Variants in FAM168A observed in about 807,000 individuals in gnomAD.
FAM168A encodes protein FAM168A.
FAM168A carries 3 observed loss-of-function variants against 28.5 expected under a neutral mutation model. That is an observed-to-expected ratio of 0.11 (90% CI 0.05 to 0.27). The LOEUF is 0.27. Ranked by LOEUF, FAM168A falls within the 10% of genes least tolerant of loss-of-function variation. FAM168A has a pLI of 1.00. For synonymous variants in FAM168A, 122 were observed against 124.2 expected (o/e 0.98, Z 0.12); for missense variants, 222 against 311.5 (o/e 0.71, Z 2.16).
chr11:73,425,153 C>T (rs1249052232), intron 3 of FAM168A: 2 of 720,838 alleles, frequency 2.8e-6, no homozygotes, highest in African/African-American at 1.8e-5. Context: ...CAGTTTCCCC[C>T]CAGCTTCACA....
rs1855031743 is a variant in FAM168A at position 73,502,679 on chromosome 11, G to A, written c.-18-34187C>T. On this transcript the variant is annotated intron_variant, in intron 1 of 7. Coordinates refer to ENST00000356467, the MANE Select transcript of FAM168A (RefSeq NM_015159.3). ...CATCATCATCCTGATACCAAAACTG[G>A]GAAGAGACACAACAAAAAAAAGAAA... Among the ~76,000 whole-genome samples, 3 of 152,136 alleles carry A rather than the reference G, an allele frequency of 2.0e-5. No individual in the cohort carries two copies. In the South Asian group the frequency reaches 6.2e-4, roughly 32 times the overall value.
At chr11:73,562,342 A>G (rs906966605) in intron 1 of FAM168A, among the ~76,000 whole-genome samples, 3 of 152,222 alleles carry the variant, frequency 2.0e-5, no homozygotes, top group Admixed American at 6.5e-5. Flanking sequence ...TTTGGGGATT[A>G]TATAATATAT....
At chr11:73,492,265 T>G (rs767072582) in intron 1 of FAM168A, among the ~76,000 whole-genome samples, 3 of 152,196 alleles carry the variant, frequency 2.0e-5, no homozygotes, top group Non-Finnish European at 4.4e-5. Flanking sequence ...CCACACATTA[T>G]AAATTAATCA....
chr11:73,549,011 G>C (rs185163404), intron 1 of FAM168A, among the ~76,000 whole-genome samples: 3 of 151,982 alleles, frequency 2.0e-5, no homozygotes, highest in Non-Finnish European at 4.4e-5. Flanking sequence ...GCACAATCCC[G>C]GCTCACTGCA....
At chr11:73,419,231 G>C (rs1038767079) in intron 4 of FAM168A, among the ~76,000 whole-genome samples, 3 of 152,178 alleles carry the variant, frequency 2.0e-5, no homozygotes, top group Non-Finnish European at 4.4e-5. Context: ...AATATGACCA[G>C]TCTGACTGGC....
At chr11:73,430,554 C>A in intron 3 of FAM168A, 136 bp downstream of exon 3, 1 of 775,356 alleles carries the variant, frequency 1.3e-6, no homozygotes, top group Admixed American at 1.9e-5. Flanking sequence ...AGAAGGGACT[C>A]CCAGGAAAAT....
intron 1 of FAM168A, among the ~76,000 whole-genome samples, chr11:73,489,806 G>A (rs1026386203): frequency 3.3e-5 from 5 of 152,116 alleles, no homozygotes; most frequent in African/African-American, 4.8e-5. Flanking sequence ...CATGGTATCC[G>A]GCATCTCCCC....
At position 73,482,181 on chromosome 11, in the gene FAM168A, C is replaced by CTTT. The variant is rs55882143; in HGVS notation, c.-18-13692_-18-13690dup. On this transcript the variant is annotated intron_variant, in intron 1 of 7. Transcript: ENST00000356467. ...ATACACAAAGACAACATCCAACAGC[C>CTTT]TTTTTTTTTTTTTTTTTTTTTTTTT... Among the ~76,000 whole-genome samples the CTTT allele has an allele frequency of 2.1e-3, 162 of 77,514 alleles. 5 individuals carry two copies. Among genetic ancestry groups the CTTT allele is most frequent in the Admixed American group, 2.9e-3 (14 of 4,864 alleles). 50.9% of individuals were successfully genotyped at this position (77,514 alleles called of 152,430 possible).
chr11:73,514,186 C>T (rs1392636089), intron 1 of FAM168A, among the ~76,000 whole-genome samples: 2 of 151,974 alleles, frequency 1.3e-5, no homozygotes, highest in African/African-American at 2.4e-5. Context: ...AGGTAGTGAG[C>T]AGGCCACTGT....
intron 2 of FAM168A, among the ~76,000 whole-genome samples, chr11:73,434,712 C>T (rs925927575): frequency 2.0e-5 from 3 of 152,128 alleles, no homozygotes; most frequent in African/African-American, 7.2e-5. Flanking sequence ...AATGAGAAGA[C>T]CTCATAGGGT....
At position 73,401,516 on chromosome 11, in the gene FAM168A, G is replaced by C. The variant is rs1031553766; in HGVS notation, c.*5247C>G. On this transcript the variant is annotated 3_prime_UTR_variant, in exon 8 of 8. Transcript: ENST00000356467. ...GAAAGGCTGGGGTCTGGAGATGCTGGTCTTGCTGGGGTCAGGCCCAAAGCT... is the reference window on the plus strand; with the variant it reads ...GAAAGGCTGGGGTCTGGAGATGCTGCTCTTGCTGGGGTCAGGCCCAAAGCT... The C allele has an allele frequency of 1.3e-5, 2 of 152,190 alleles. No homozygotes were observed. The highest frequency in any genetic ancestry group is 2.9e-5 in the Non-Finnish European group (2 of 68,130). 9.4% of individuals were successfully genotyped at this position (152,190 alleles called of 1,614,324 possible). A position where few individuals can be genotyped will look rare whatever the true frequency, so the allele number is the denominator to read the frequency against.
intron 1 of FAM168A, among the ~76,000 whole-genome samples, chr11:73,525,712 C>G (rs1008618173): frequency 1.3e-5 from 2 of 152,212 alleles, no homozygotes; most frequent in African/African-American, 4.8e-5. Context: ...AAGTTTTCTG[C>G]TTTCTGCAAC....
chr11:73,445,646 A>G (rs1032586827), intron 2 of FAM168A, among the ~76,000 whole-genome samples: 2 of 151,806 alleles, frequency 1.3e-5, no homozygotes, highest in Admixed American at 1.3e-4. Context: ...GAGGTCCTAA[A>G]GGAAGTAGGT....
chr11:73,510,377 G>A (rs1205469942), intron 1 of FAM168A, among the ~76,000 whole-genome samples: 1 of 152,210 alleles, frequency 6.6e-6, no homozygotes, highest in East Asian at 1.9e-4. Flanking sequence ...TTAGGAGGTA[G>A]TAGAGCCTCG....
chr11:73,510,317 G>A (rs905957585), intron 1 of FAM168A, among the ~76,000 whole-genome samples: 1 of 152,124 alleles, frequency 6.6e-6, no homozygotes, highest in African/African-American at 2.4e-5. Flanking sequence ...TAAGAGATAA[G>A]GCGTAATCTC....
intron 1 of FAM168A, among the ~76,000 whole-genome samples, chr11:73,597,046 C>A (rs72973625): frequency 0.011 from 1,721 of 152,184 alleles, 17 homozygotes; most frequent in Non-Finnish European, 0.018. Flanking sequence ...AGCCACCATG[C>A]CCTTTCCAGT....
chr11:73,448,249 T>C (rs932300294), intron 2 of FAM168A, among the ~76,000 whole-genome samples: 10 of 152,112 alleles, frequency 6.6e-5, no homozygotes, highest in Non-Finnish European at 1.2e-4. Flanking sequence ...GGTTTCACCA[T>C]GTTGGCCAGG....
At chr11:73,459,015 G>A (rs530499716) in intron 2 of FAM168A, among the ~76,000 whole-genome samples, 1 of 152,282 alleles carries the variant, frequency 6.6e-6, no homozygotes, top group Non-Finnish European at 1.5e-5. Flanking sequence ...ATTATTATAT[G>A]CGGTTTTGTG....
intron 1 of FAM168A, among the ~76,000 whole-genome samples, chr11:73,581,252 T>C (rs1253455354): frequency 1.3e-5 from 2 of 152,254 alleles, no homozygotes; most frequent in African/African-American, 4.8e-5. Flanking sequence ...CTGTTAACGA[T>C]TGTCTGCACA....
Sources: gnomAD v4.1 joint callset for allele counts (sites outside exome capture counted in the v4.1 genomes callset) on GRCh38, gnomAD v4.1.1 for gene constraint, MANE v1.5 for transcripts, NCBI Gene and HGNC (gene_info 2026-07-23, HGNC 2026-07-21) for gene names.